Variants in CELF2 observed in about 807,000 individuals in gnomAD.
CELF2 encodes CUGBP Elav-like family member 2, also known as CUG triplet repeat RNA-binding protein 2.
Under a neutral mutation model 62.6 loss-of-function variants are expected in CELF2, and 8 were observed. That is an observed-to-expected ratio of 0.13 (90% CI 0.07 to 0.23). The LOEUF (loss-of-function observed/expected upper bound fraction) is 0.23. Ranked by LOEUF, CELF2 falls within the 10% of genes least tolerant of loss-of-function variation. CELF2 has a pLI of 1.00. For synonymous variants in CELF2, 258 were observed against 250.0 expected (o/e 1.03, Z -0.30); for missense variants, 333 against 671.0 (o/e 0.50, Z 5.56).
chr10:10,775,625 AAT>A, the CELF2 span, among the ~76,000 whole-genome samples: 6,701 of 108,184 alleles, frequency 0.062, 204 homozygotes, highest in African/African-American at 0.092. Flanking sequence ...AAAAAAAAAA[AAT>A]ATATATATAG....
intron 2 of CELF2, among the ~76,000 whole-genome samples, chr10:10,937,129 T>C (rs1592147440): frequency 1.4e-5 from 2 of 142,526 alleles, no homozygotes; most frequent in East Asian, 2.0e-4. Context: ...TTCTTTTTTT[T>C]TTTTTTTTTT....
chr10:10,766,068 A>C, the CELF2 span, among the ~76,000 whole-genome samples: 1 of 150,742 alleles, frequency 6.6e-6, no homozygotes, highest in African/African-American at 2.5e-5. Flanking sequence ...CTCCTATGTA[A>C]GTAAGTGTCC....
chr10:11,170,189 A>G (rs968770018), intron 2 of CELF2, among the ~76,000 whole-genome samples: 3 of 152,214 alleles, frequency 2.0e-5, no homozygotes, highest in Non-Finnish European at 2.9e-5. Context: ...AGTGTAAGGT[A>G]GAGATGACTC....
the CELF2 span, among the ~76,000 whole-genome samples, chr10:10,468,914 G>A: frequency 6.6e-6 from 1 of 151,592 alleles, no homozygotes; most frequent in Non-Finnish European, 1.5e-5. Context: ...CTCTAGTAGG[G>A]GCTCTTTTCA....
intron 2 of CELF2, among the ~76,000 whole-genome samples, chr10:10,926,295 A>G (rs1305223515): frequency 2.0e-5 from 3 of 152,118 alleles, no homozygotes; most frequent in Non-Finnish European, 4.4e-5. Flanking sequence ...TGCCACCGTA[A>G]AAAGGGCTTG....
Position 11,217,342 on chromosome 10 carries a change from G to GA in CELF2, c.272-82dup. On this transcript the variant is annotated intron_variant, in intron 2 of 12. Coordinates refer to ENST00000633077, the MANE Select transcript of CELF2 (RefSeq NM_001326342.2). This position sits in a 1 kb window ranked among gnomAD's most constrained non-coding sequence, Gnocchi z 5.6. The stretch of plus-strand genomic sequence containing the variant: ...TTTAAATTGTGCGTCCTTTTAAGTA[G>GA]ATTGTTTGTTCGCCACAGTCTCCAT... 1.1e-6 allele frequency: 1 copy of GA among 889,702 alleles called. No homozygotes were observed. Among genetic ancestry groups the GA allele is most frequent in the Non-Finnish European group, 1.8e-6 (1 of 557,980 alleles). The allele number at this position is 889,702 out of a possible 1,614,324, so 55.1% of individuals were successfully genotyped here.
At chr10:11,061,900 C>T (rs116138494) in intron 1 of CELF2, among the ~76,000 whole-genome samples, 126 of 152,262 alleles carry the variant, frequency 8.3e-4, no homozygotes, top group African/African-American at 2.8e-3. Flanking sequence ...GTAACCTTTG[C>T]GGCCTGGGCT....
At chr10:10,847,344 T>C (rs2059080725) in intron 1 of CELF2, among the ~76,000 whole-genome samples, 1 of 152,198 alleles carries the variant, frequency 6.6e-6, no homozygotes. Flanking sequence ...TGTTTCCTTG[T>C]CAATGTAAAA....
chr10:10,630,721 A>G, the CELF2 span, among the ~76,000 whole-genome samples: 1 of 152,226 alleles, frequency 6.6e-6, no homozygotes, highest in African/African-American at 2.4e-5. Context: ...GATGGATGGA[A>G]TAAGAGGAGG....
chr10:10,881,033 A>C (rs915018792), intron 1 of CELF2, among the ~76,000 whole-genome samples: 2 of 152,194 alleles, frequency 1.3e-5, no homozygotes, highest in African/African-American at 4.8e-5. Flanking sequence ...GACCCCGGTG[A>C]TTGCTACAGT....
At chr10:10,691,584 T>C in the CELF2 span, among the ~76,000 whole-genome samples, 1 of 152,068 alleles carries the variant, frequency 6.6e-6, no homozygotes. Context: ...ATCACCACAC[T>C]GACTTCCACA....
the CELF2 span, among the ~76,000 whole-genome samples, chr10:10,791,278 A>G: frequency 1.3e-5 from 2 of 151,928 alleles, no homozygotes; most frequent in Non-Finnish European, 2.9e-5. Context: ...TGAGTGTGGT[A>G]AACTAGCAGG....
rs541237705 is a variant in CELF2, at chr10:11,198,660, C to T, written c.272-18765C>T. Among the ~76,000 whole-genome samples the T allele has an allele frequency of 2.0e-5, 3 of 152,340 alleles. No homozygotes were observed. The South Asian group carries it at 6.2e-4, about 32-fold the overall frequency. On this transcript the variant is annotated intron_variant, in intron 2 of 12. Coordinates refer to ENST00000633077, the MANE Select transcript of CELF2 (RefSeq NM_001326342.2). ...ATCTAGACCAGTGTCCCTTTCTTAG[C>T]ATCCTACTTTGACAGCCAGCTATTG...
chr10:10,462,741 AGCCTGATGTAC>A, the CELF2 span, among the ~76,000 whole-genome samples: 2 of 148,944 alleles, frequency 1.3e-5, no homozygotes, highest in Non-Finnish European at 1.5e-5. Context: ...AAGGTGTAAT[AGCCTGATGTAC>A]GACCTTCGCG....
chr10:11,130,159 C>T (rs1416310606), intron 1 of CELF2, among the ~76,000 whole-genome samples: 3 of 152,294 alleles, frequency 2.0e-5, no homozygotes, highest in South Asian at 4.1e-4. Context: ...GCAGGTTGTT[C>T]AATTTCCATG....
chr10:10,789,894 G>A, the CELF2 span, among the ~76,000 whole-genome samples: 7 of 151,752 alleles, frequency 4.6e-5, no homozygotes, highest in African/African-American at 7.3e-5. Context: ...TTTGATAAAC[G>A]GATTTTTATG....
intron 1 of CELF2, among the ~76,000 whole-genome samples, chr10:11,019,951 A>G (rs192226135): frequency 6.6e-6 from 1 of 152,348 alleles, no homozygotes; most frequent in East Asian, 1.9e-4. Context: ...GTCACCTGCT[A>G]CTTAAGTGAC....
Position 11,165,432 on chromosome 10 carries a change from TC to T in CELF2, c.75-52del, listed in dbSNP as rs1596463039. 1.3e-6 allele frequency: 2 copies of T among 1,575,492 alleles called. No individual in the cohort carries two copies. The highest frequency in any genetic ancestry group is 4.6e-5 in the East Asian group (2 of 43,716). ...CTCCCCCACCCCCACTATTTTTTCT[TC>T]CTGTCCCTCATCGTGCCGCCCTAAC... On this transcript the variant is annotated intron_variant, in intron 1 of 12. Transcript: ENST00000633077. The surrounding 1 kb of genome is among the most constrained non-coding windows in gnomAD (Gnocchi z 7.4).
chr10:10,480,484 T>G, the CELF2 span, among the ~76,000 whole-genome samples: 2 of 152,176 alleles, frequency 1.3e-5, no homozygotes, highest in Non-Finnish European at 2.9e-5. Flanking sequence ...AAACAATCTC[T>G]TAATAAAAGC....
Sources: gnomAD v4.1 joint callset for allele counts (sites outside exome capture counted in the v4.1 genomes callset) on GRCh38, gnomAD v4.1.1 for gene constraint, Gnocchi (gnomAD v3.1) non-coding constraint, MANE v1.5 for transcripts, NCBI Gene and HGNC (gene_info 2026-07-23, HGNC 2026-07-21) for gene names.